Variants in CENPI observed in about 807,000 individuals in gnomAD.
CENPI encodes centromere protein I, also known as FSH primary response 1.
Under a neutral mutation model 60.4 loss-of-function variants are expected in CENPI, and 4 were observed. That is an observed-to-expected ratio of 0.07 (90% CI 0.03 to 0.15). The LOEUF (loss-of-function observed/expected upper bound fraction) is 0.15. Ranked by LOEUF, CENPI falls within the 10% of genes least tolerant of loss-of-function variation. The pLI, the probability that CENPI is intolerant of heterozygous loss-of-function variation, is 1.00. For synonymous variants in CENPI, 157 were observed against 189.4 expected, an observed-to-expected ratio of 0.83 and a Z score of 1.40; for missense variants, 444 against 534.5, an observed-to-expected ratio of 0.83 and a Z score of 1.67.
At chrX:101,171,403 G>A in the CENPI span, among the ~76,000 whole-genome samples, 1 of 112,032 alleles carries the variant, frequency 8.9e-6, no homozygotes, top group Non-Finnish European at 1.9e-5. Context: ...AAATTAAAAT[G>A]GATTTAAAAA....
At chrX:101,138,257 G>A (rs758175534) in intron 15 of CENPI, among the ~76,000 whole-genome samples, 1 of 108,679 alleles carries the variant, frequency 9.2e-6, no homozygotes, top group South Asian at 4.1e-4. Flanking sequence ...CGAAGTTCTG[G>A]GATTACAAGT....
intron 4 of CENPI, 121 bp from the exon 5 acceptor site, chrX:101,109,352 A>G: frequency 3.7e-6 from 2 of 543,291 alleles, no homozygotes; most frequent in South Asian, 5.8e-5. Flanking sequence ...AAGTGCTGGG[A>G]TTACAGGCAT....
At chrX:101,161,387 G>A in intron 20 of CENPI, 141 bp from the exon 21 acceptor site, 1 of 483,350 alleles carries the variant, frequency 2.1e-6, no homozygotes. Flanking sequence ...AGTGATGGTA[G>A]GAATAGAACT....
At chrX:101,107,095 C>T (rs1475397103) in intron 4 of CENPI, among the ~76,000 whole-genome samples, 1 of 103,679 alleles carries the variant, frequency 9.6e-6, no homozygotes, top group Admixed American at 1.1e-4. Context: ...TATCTGTTCT[C>T]TTCTGCTACT....
At chrX:101,103,556 G>T (rs1002956067) in intron 4 of CENPI, among the ~76,000 whole-genome samples, 17 of 109,064 alleles carry the variant, frequency 1.6e-4, no homozygotes, top group African/African-American at 5.7e-4. Flanking sequence ...GGTCGGGTTG[G>T]TCTCGAACTC....
intron 21 of CENPI, among the ~76,000 whole-genome samples, chrX:101,162,473 A>AAAATATAT (rs1303045267): frequency 4.4e-5 from 3 of 68,129 alleles, no homozygotes; most frequent in African/African-American, 2.1e-4. Flanking sequence ...AAAAAAAAAA[A>AAAATATAT]ATATATATAT....
intron 15 of CENPI, among the ~76,000 whole-genome samples, chrX:101,136,112 A>G (rs2089845741): frequency 8.9e-6 from 1 of 112,415 alleles, no homozygotes; most frequent in Non-Finnish European, 1.9e-5. Flanking sequence ...GAAGGGGCTT[A>G]TATTCTGTTC....
intron 20 of CENPI, among the ~76,000 whole-genome samples, chrX:101,155,955 AATT>A (rs1340373646): frequency 8.9e-6 from 1 of 112,150 alleles, no homozygotes; most frequent in Non-Finnish European, 1.9e-5. Context: ...CAATGATAAT[AATT>A]ATTATGATGA....
intron 4 of CENPI, 131 bp downstream of exon 4, chrX:101,102,542 A>C: frequency 4.1e-6 from 1 of 242,961 alleles, no homozygotes; most frequent in Non-Finnish European, 6.9e-6. Context: ...TTTTTTTATA[A>C]TAGAGACAGC....
chrX:101,124,702 T>G (rs766720157), intron 8 of CENPI, among the ~76,000 whole-genome samples: 2 of 111,381 alleles, frequency 1.8e-5, no homozygotes, highest in South Asian at 3.8e-4. Flanking sequence ...TCTCACGAGA[T>G]CTGATGGTTT....
rs2089746268 is a variant in CENPI, at chrX:101,127,256, C to T, written c.896C>T (p.Pro299Leu). The change falls in exon 10 of 22, where the codon CCT becomes CTT. Residue 299 changes from proline (P) to leucine (L), a missense_variant. Physicochemically the swap from Pro to Leu is moderately conservative, Grantham distance 98. Coordinates refer to ENST00000682095, the MANE Select transcript of CENPI (RefSeq NM_001386188.2). ...ATGTTAGGTCCAGCTAATGTTCGTC[C>T]TCTAAAAAGAGTAAGTATCTAAAGC... ...KLMLGPANVR[P>L]LKRKWNSLSV... 1 of 1,168,048 alleles carries T rather than the reference C, an allele frequency of 8.6e-7. No individual in the cohort carries two copies. Among genetic ancestry groups the T allele is most frequent in the Non-Finnish European group, 1.1e-6 (1 of 878,460 alleles).
chrX:101,121,278 G>A (rs1273400341), intron 8 of CENPI, among the ~76,000 whole-genome samples: 1 of 110,583 alleles, frequency 9.0e-6, no homozygotes, highest in African/African-American at 3.3e-5. Flanking sequence ...TGATGCTTGA[G>A]AGAATTATTT....
downstream of CENPI, among the ~76,000 whole-genome samples, chrX:101,169,469 T>C (rs755122186): frequency 6.2e-5 from 7 of 112,525 alleles, no homozygotes; most frequent in Non-Finnish European, 1.1e-4. Flanking sequence ...GTTACATGTT[T>C]GTGATGATGC....
At chrX:101,123,334 T>G (rs1272401311) in intron 8 of CENPI, among the ~76,000 whole-genome samples, 1 of 111,738 alleles carries the variant, frequency 8.9e-6, no homozygotes, top group Non-Finnish European at 1.9e-5. Flanking sequence ...AAATTGTATT[T>G]CTGGTAGCAG....
At chrX:101,119,083 G>A (rs2089650633) in intron 6 of CENPI, among the ~76,000 whole-genome samples, 1 of 111,406 alleles carries the variant, frequency 9.0e-6, no homozygotes, top group African/African-American at 3.3e-5. Context: ...GGGAGGCTGA[G>A]GTAGGAGAAT....
At position 101,139,415 on chromosome X, in the gene CENPI, G is replaced by T. The variant is rs1264854414; in HGVS notation, c.1471-1251G>T. 5.4e-5 allele frequency among the ~76,000 whole-genome samples: 6 copies of T among 110,969 alleles called. No individual in the cohort carries two copies. In the East Asian group the frequency reaches 1.7e-3, roughly 31 times the overall value. ...TGGCCAAGATTTTTGTTTTCTAAAT[G>T]TAACATTGTATATACCTACCGTGTA... On this transcript the variant is annotated intron_variant, in intron 15 of 21. Transcript: ENST00000682095.
At chrX:101,121,949 C>T (rs903132342) in intron 8 of CENPI, among the ~76,000 whole-genome samples, 5 of 107,702 alleles carry the variant, frequency 4.6e-5, no homozygotes, top group Admixed American at 2.0e-4. Flanking sequence ...ACTACAGGCG[C>T]GCACCACCAC....
At chrX:101,169,208 AGAG>A (rs2090151230), downstream of CENPI, among the ~76,000 whole-genome samples, 1 of 112,477 alleles carries the variant, frequency 8.9e-6, no homozygotes, top group Non-Finnish European at 1.9e-5. Flanking sequence ...GAATACCAGA[AGAG>A]GAGAGAAGGG....
chrX:101,108,396 A>G (rs915221322), intron 4 of CENPI, among the ~76,000 whole-genome samples: 1 of 108,813 alleles, frequency 9.2e-6, no homozygotes, highest in African/African-American at 3.4e-5. Flanking sequence ...GGGTCCTGCT[A>G]TGTTGCCCAG....
Sources: allele counts gnomAD v4.1 joint callset (sites outside exome capture counted in the v4.1 genomes callset), GRCh38; gene constraint gnomAD v4.1.1; transcripts MANE v1.5; gene names NCBI Gene and HGNC (gene_info 2026-07-23, HGNC 2026-07-21).